The following ERBB4 variants were observed in gnomAD, a reference collection of about 807,000 sequenced individuals.
The protein encoded by ERBB4 is receptor tyrosine-protein kinase erbB-4.
Under a neutral mutation model 158.0 loss-of-function variants are expected in ERBB4, and 42 were observed. The observed-to-expected ratio is 0.27, with a 90% CI of 0.21 to 0.34. ERBB4 has a LOEUF of 0.34. ERBB4 is among the 10% of genes least tolerant of loss of function. ERBB4 has a pLI of 1.00. For missense variants in ERBB4, 1,333 were observed against 1,624.1 expected (o/e 0.82, Z 3.08); for synonymous variants, 583 against 558.7 (o/e 1.04, Z -0.61).
chr2:212,181,578 G>C (rs1055450298), intron 1 of ERBB4, among the ~76,000 whole-genome samples: 1 of 151,620 alleles, frequency 6.6e-6, no homozygotes, highest in Admixed American at 6.6e-5. Context: ...TTACAGTCCT[G>C]CACTCATTCA....
intron 3 of ERBB4, among the ~76,000 whole-genome samples, chr2:211,911,637 C>A (rs1292950365): frequency 6.6e-6 from 1 of 152,018 alleles, no homozygotes; most frequent in Non-Finnish European, 1.5e-5. Flanking sequence ...AAATGACTTG[C>A]AGAAGCCAAT....
chr2:212,263,606 A>C (rs148160317), intron 1 of ERBB4, among the ~76,000 whole-genome samples: 2 of 152,096 alleles, frequency 1.3e-5, no homozygotes, highest in African/African-American at 4.8e-5. Context: ...GAAAAAATTA[A>C]CAATTCTATA....
chr2:211,930,615 G>C (rs2080148580), intron 3 of ERBB4, among the ~76,000 whole-genome samples: 2 of 152,026 alleles, frequency 1.3e-5, no homozygotes, highest in Admixed American at 1.3e-4. Flanking sequence ...CCGTGTTATA[G>C]CAATTGAGCT....
In ERBB4 at chr2:212,062,425, T is replaced by C. The variant is rs1247621055; in HGVS notation, c.234+62327A>G. 4.5e-5 allele frequency among the ~76,000 whole-genome samples: 4 copies of C among 88,446 alleles called. No individual in the cohort carries two copies. In the Admixed American group the frequency reaches 4.6e-4, roughly 10 times the overall value. The allele number at this position is 88,446 out of a possible 152,430, so 58.0% of individuals were successfully genotyped here. A position where few individuals can be genotyped will look rare whatever the true frequency, so the allele number is the denominator to read the frequency against. ...TTTTTTTTTTTTTTTTTTTTTTTTT[T>C]TTTTTTTTTTTGAGATGGAGTCTCA... On this transcript the variant is annotated intron_variant, in intron 2 of 27. Transcript: ENST00000342788.
At chr2:211,785,310 C>T (rs1366318050) in intron 4 of ERBB4, among the ~76,000 whole-genome samples, 1 of 152,038 alleles carries the variant, frequency 6.6e-6, no homozygotes, top group Non-Finnish European at 1.5e-5. Flanking sequence ...ACCGTGTTAG[C>T]CAGGATGGTC....
At chr2:212,531,534 G>A (rs1692758151) in intron 1 of ERBB4, among the ~76,000 whole-genome samples, 1 of 152,184 alleles carries the variant, frequency 6.6e-6, no homozygotes, top group African/African-American at 2.4e-5. Flanking sequence ...TTAGGTCCAA[G>A]GACAGGCCTA....
chr2:211,377,119 C>G lies in ERBB4; in HGVS notation c.*6496G>C, dbSNP rs545362234. 19 of 233,060 alleles carry G rather than the reference C, an allele frequency of 8.2e-5. No homozygotes were observed. Among genetic ancestry groups the G allele is most frequent in the Middle Eastern group, 1.3e-3 (1 of 790 alleles). The allele number at this position is 233,060 out of a possible 1,614,324, so 14.4% of individuals were successfully genotyped here. On this transcript the variant is annotated 3_prime_UTR_variant, in exon 28 of 28. Transcript: ENST00000342788. ...ATGGTTGTAGTCCCCTCACTCCCCC[C>G]TCCCAGCCCCTGAGAGATCCAGAAA... is the stretch of plus-strand genomic sequence containing the variant.
At chr2:211,463,277 C>T (rs2064584224) in intron 20 of ERBB4, among the ~76,000 whole-genome samples, 1 of 152,106 alleles carries the variant, frequency 6.6e-6, no homozygotes, top group Admixed American at 6.6e-5. Context: ...GGCTCAAATT[C>T]CAGCAGGGTT....
chr2:211,552,244 A>C (rs1455532611), intron 20 of ERBB4, among the ~76,000 whole-genome samples: 1 of 152,198 alleles, frequency 6.6e-6, no homozygotes, highest in Non-Finnish European at 1.5e-5. Flanking sequence ...AAAGTCTATT[A>C]AACTGGTCCC....
chr2:211,615,570 G>A (rs1436537488), intron 19 of ERBB4, among the ~76,000 whole-genome samples: 1 of 152,078 alleles, frequency 6.6e-6, no homozygotes, highest in Non-Finnish European at 1.5e-5. Context: ...ACATATTCGG[G>A]TGAGCAGAGT....
chr2:212,465,810 C>T (rs952561214), intron 1 of ERBB4, among the ~76,000 whole-genome samples: 3 of 152,166 alleles, frequency 2.0e-5, no homozygotes, highest in Non-Finnish European at 4.4e-5. Flanking sequence ...GTCCTCTTTT[C>T]CCCATCCACA....
At chr2:212,252,750 T>G (rs1215902574) in intron 1 of ERBB4, among the ~76,000 whole-genome samples, 1 of 152,024 alleles carries the variant, frequency 6.6e-6, no homozygotes, top group Non-Finnish European at 1.5e-5. Flanking sequence ...AGGTCATCTA[T>G]AATAAAAAGA....
At chr2:211,511,214 T>C (rs1216860314) in intron 20 of ERBB4, among the ~76,000 whole-genome samples, 2 of 152,004 alleles carry the variant, frequency 1.3e-5, no homozygotes, top group Admixed American at 6.6e-5. Flanking sequence ...TTAGCATATA[T>C]ATAGATATAT....
intron 1 of ERBB4, among the ~76,000 whole-genome samples, chr2:212,310,676 A>G (rs1352128499): frequency 6.7e-6 from 1 of 149,528 alleles, no homozygotes; most frequent in Admixed American, 6.7e-5. Context: ...TTATAGTCCA[A>G]ACTAAACTAA....
chr2:211,448,818 T>C (rs867657937), intron 20 of ERBB4, among the ~76,000 whole-genome samples: 74 of 152,328 alleles, frequency 4.9e-4, no homozygotes, highest in South Asian at 3.9e-3. Flanking sequence ...GCATCTTCTT[T>C]CTATTGAGAC....
chr2:211,854,963 T>C (rs1183602277), intron 3 of ERBB4, among the ~76,000 whole-genome samples: 1 of 152,162 alleles, frequency 6.6e-6, no homozygotes, highest in East Asian at 1.9e-4. Flanking sequence ...ATGTACCAAT[T>C]TAAACTCCCA....
chr2:211,893,038 T>C (rs921611610), intron 3 of ERBB4, among the ~76,000 whole-genome samples: 2 of 148,314 alleles, frequency 1.3e-5, no homozygotes, highest in African/African-American at 5.1e-5. Context: ...AAGACTTTCC[T>C]CACAGAATTG....
At chr2:212,358,329 T>A (rs2089544504) in intron 1 of ERBB4, among the ~76,000 whole-genome samples, 1 of 151,718 alleles carries the variant, frequency 6.6e-6, no homozygotes, top group Admixed American at 6.6e-5. Context: ...AGCAGCATTT[T>A]GTACCAAATA....
intron 1 of ERBB4, among the ~76,000 whole-genome samples, chr2:212,460,032 A>G (rs745776789): frequency 1.3e-5 from 2 of 152,136 alleles, no homozygotes; most frequent in Non-Finnish European, 2.9e-5. Context: ...CTGTTCTGAT[A>G]CTGAATAATT....
Sources: gnomAD v4.1 joint callset for allele counts (sites outside exome capture counted in the v4.1 genomes callset) on GRCh38, gnomAD v4.1.1 for gene constraint, MANE v1.5 for transcripts, NCBI Gene and HGNC (gene_info 2026-07-23, HGNC 2026-07-21) for gene names.